Variants in FERMT1 observed in about 807,000 individuals in gnomAD.
FERMT1 encodes the protein FERM domain containing kindlin 1.
A neutral mutation model predicts 85.3 loss-of-function variants in FERMT1; 60 were observed. That is an observed-to-expected ratio of 0.70 (90% CI 0.57 to 0.87). The LOEUF (loss-of-function observed/expected upper bound fraction) is 0.87. Ranked by LOEUF, FERMT1 falls within the 40% of genes least tolerant of loss-of-function variation. The pLI, the probability that FERMT1 is intolerant of heterozygous loss-of-function variation, is 0.00. For missense variants in FERMT1, 701 were observed against 818.9 expected (o/e 0.86, Z 1.76); for synonymous variants, 275 against 301.1 (o/e 0.91, Z 0.90).
chr20:6,100,914 T>C (rs550284181), intron 6 of FERMT1, among the ~76,000 whole-genome samples: 2 of 152,212 alleles, frequency 1.3e-5, no homozygotes, highest in South Asian at 2.1e-4. Flanking sequence ...GTCCATCATA[T>C]ACACAGTACT....
At chr20:6,083,660 C>A (rs1426057284) in intron 13 of FERMT1, among the ~76,000 whole-genome samples, 3 of 126,200 alleles carry the variant, frequency 2.4e-5, no homozygotes, top group South Asian at 2.6e-4. Flanking sequence ...GAGACACCCC[C>A]CCCCCCGGCC....
chr20:6,101,228 G>T (rs543486669), intron 6 of FERMT1, among the ~76,000 whole-genome samples: 1 of 152,306 alleles, frequency 6.6e-6, no homozygotes, highest in South Asian at 2.1e-4. Flanking sequence ...TTTTAGTATC[G>T]TTTTGCCCTT....
chr20:6,119,542 T>G lies in FERMT1; in HGVS notation c.13A>C (p.Thr5Pro). 6.2e-7 allele frequency: 1 copy of G among 1,614,058 alleles called. No individual in the cohort carries two copies. The highest frequency in any genetic ancestry group is 8.5e-7 in the Non-Finnish European group (1 of 1,179,958). ...TCCCAGGAAGCAAATGTAAAGTCAG[T>G]GGATGACAGCATTGTGGCAAATGCT... MLSS[T>P]DFTFASWELV... Residue 5 changes from threonine to proline, a missense_variant, in exon 2 of 15, where the codon ACT (threonine) becomes CCT (proline). By Grantham distance (38) the Thr-to-Pro change is conservative. Coordinates refer to ENST00000217289, the MANE Select transcript of FERMT1 (RefSeq NM_017671.5).
intron 6 of FERMT1, among the ~76,000 whole-genome samples, chr20:6,105,462 T>C (rs1982772745): frequency 6.6e-6 from 1 of 152,238 alleles, no homozygotes; most frequent in Non-Finnish European, 1.5e-5. Flanking sequence ...CTTGTCACTC[T>C]GTGACCACCA....
At chr20:6,089,848 T>C (rs1367751317) in intron 9 of FERMT1, among the ~76,000 whole-genome samples, 1 of 151,984 alleles carries the variant, frequency 6.6e-6, no homozygotes, top group African/African-American at 2.4e-5. Flanking sequence ...GGCCTAAAGG[T>C]TGGGTCATTC....
At chr20:6,119,040 C>T (rs933913261) in intron 2 of FERMT1, among the ~76,000 whole-genome samples, 4 of 152,026 alleles carry the variant, frequency 2.6e-5, no homozygotes, top group African/African-American at 9.7e-5. Context: ...CCCCGCCTCC[C>T]GGGTTCAAGC....
In FERMT1 at chr20:6,076,535, G is replaced by A. The variant is rs183993931; in HGVS notation, c.*638C>T. The A allele has an allele frequency of 1.4e-3, 667 of 491,514 alleles. 3 individuals are homozygous for A. Among genetic ancestry groups the A allele is most frequent in the Non-Finnish European group, 2.2e-3 (543 of 246,318 alleles). 30.4% of individuals were successfully genotyped at this position (491,514 alleles called of 1,614,324 possible). A position where few individuals can be genotyped will look rare whatever the true frequency, so the allele number is the denominator to read the frequency against. ...TGACTAAGACCAGATGTGGGTCAGT[G>A]GTCATCTTGGCAGGTATCACTGTGG... On this transcript the variant is annotated 3_prime_UTR_variant, in exon 15 of 15. Coordinates refer to ENST00000217289, the MANE Select transcript of FERMT1 (RefSeq NM_017671.5).
At position 6,089,064 on chromosome 20, in the gene FERMT1, A is replaced by G; in HGVS notation, c.1165T>C (p.Phe389Leu). 2 of 1,612,606 alleles carry G rather than the reference A, an allele frequency of 1.2e-6. No homozygotes were observed. Among genetic ancestry groups the G allele is most frequent in the Non-Finnish European group, 1.7e-6 (2 of 1,178,876 alleles). Residue 389 changes from phenylalanine to leucine, a missense_variant, in exon 10 of 15, where the codon TTC becomes CTC. Coordinates refer to ENST00000217289, the MANE Select transcript of FERMT1 (RefSeq NM_017671.5). Reference sequence around the variant, plus strand: ...TTAAAGATAAACCAATATTGTTTGAAAGCTTTTGGTAGTAACTTCTTGGGC... The same window carrying G: ...TTAAAGATAAACCAATATTGTTTGAGAGCTTTTGGTAGTAACTTCTTGGGC... ...FRPKKLLPKA[F>L]KQYWFIFKDT...
chr20:6,092,473 G>A (rs1380930549), intron 9 of FERMT1, among the ~76,000 whole-genome samples: 1 of 152,096 alleles, frequency 6.6e-6, no homozygotes, highest in Non-Finnish European at 1.5e-5. Flanking sequence ...AGCCTGTGAG[G>A]TAGAGGCTGC....
rs1165397943 is a variant in FERMT1, at chr20:6,084,299, C to T, written c.1594-135G>A. 4 of 950,506 alleles carry T rather than the reference C, an allele frequency of 4.2e-6. No homozygotes were observed. In the East Asian group the frequency reaches 1.1e-4, roughly 25 times the overall value. 58.9% of individuals were successfully genotyped at this position (950,506 alleles called of 1,614,324 possible). On this transcript the variant is annotated intron_variant, in intron 12 of 14. Transcript: ENST00000217289. The stretch of plus-strand genomic sequence containing the variant: ...CTCTACAAAGACAATCCATTCTCAT[C>T]CATTCATTCTCTCTCTTTTTCTACA...
At chr20:6,083,117 G>A (rs899468764) in intron 13 of FERMT1, among the ~76,000 whole-genome samples, 1 of 152,216 alleles carries the variant, frequency 6.6e-6, no homozygotes, top group African/African-American at 2.4e-5. Flanking sequence ...TGTACTGTAG[G>A]ATTGGGGGTA....
chr20:6,086,140 CAAA>C (rs532906778), intron 11 of FERMT1, among the ~76,000 whole-genome samples: 4 of 98,294 alleles, frequency 4.1e-5, no homozygotes, highest in Admixed American at 2.2e-4. Context: ...GACTCCATCT[CAAA>C]AAAAAAAAAA....
intron 1 of FERMT1, among the ~76,000 whole-genome samples, chr20:6,121,085 A>G (rs1251767900): frequency 4.6e-5 from 7 of 152,202 alleles, no homozygotes; most frequent in Admixed American, 1.3e-4. Context: ...GGTGAGGATG[A>G]AATTCAAGAG....
intron 4 of FERMT1, among the ~76,000 whole-genome samples, chr20:6,111,159 G>T (rs564704731): frequency 7.9e-5 from 12 of 152,220 alleles, no homozygotes; most frequent in Non-Finnish European, 1.0e-4. Flanking sequence ...TAGGAGTCTT[G>T]GCACTATTAG....
At chr20:6,087,535 T>A in intron 11 of FERMT1, 1 of 469,598 alleles carries the variant, frequency 2.1e-6, no homozygotes, top group South Asian at 1.8e-5. Context: ...GGTCTTGAAC[T>A]CCTGACCTCA....
intron 1 of FERMT1, among the ~76,000 whole-genome samples, chr20:6,121,375 C>T (rs1260428838): frequency 1.3e-5 from 2 of 152,234 alleles, no homozygotes; most frequent in African/African-American, 4.8e-5. Flanking sequence ...CTGCCTTGGC[C>T]TCCCAAAGTG....
chr20:6,095,920 G>C (rs1385653424), intron 8 of FERMT1, among the ~76,000 whole-genome samples: 2 of 152,140 alleles, frequency 1.3e-5, no homozygotes, highest in South Asian at 2.1e-4. Flanking sequence ...AATTATGGTG[G>C]ACCCACCTCT....
At chr20:6,116,439 A>T (rs1480393258) in intron 2 of FERMT1, among the ~76,000 whole-genome samples, 1 of 152,042 alleles carries the variant, frequency 6.6e-6, no homozygotes, top group Admixed American at 6.6e-5. Flanking sequence ...AAAAAGAAAA[A>T]ATAATAGGGT....
At chr20:6,098,759 A>G (rs1188801073) in intron 6 of FERMT1, among the ~76,000 whole-genome samples, 1 of 152,164 alleles carries the variant, frequency 6.6e-6, no homozygotes, top group Non-Finnish European at 1.5e-5. Flanking sequence ...TAAAACCACA[A>G]TAAGATACTA....
Sources: gnomAD v4.1 joint callset for allele counts (sites outside exome capture counted in the v4.1 genomes callset) on GRCh38, gnomAD v4.1.1 for gene constraint, MANE v1.5 for transcripts, NCBI Gene and HGNC (gene_info 2026-07-23, HGNC 2026-07-21) for gene names.